Variants in SEC22A observed in about 807,000 individuals in gnomAD.
The protein encoded by SEC22A is vesicle-trafficking protein SEC22a.
SEC22A carries 22 observed loss-of-function variants against 35.3 expected under a neutral mutation model. The observed-to-expected ratio is 0.62, with a 90% CI of 0.45 to 0.89. SEC22A has a LOEUF of 0.89. Ranked by LOEUF, SEC22A falls within the 40% of genes least tolerant of loss-of-function variation. The probability of loss-of-function intolerance (pLI) is 0.00; values close to 1 mark genes in which losing one functional copy is unlikely to be tolerated. For synonymous variants in SEC22A, 119 were observed against 129.5 expected (o/e 0.92, Z 0.55); for missense variants, 354 against 362.5 (o/e 0.98, Z 0.19).
At chr3:123,234,203 A>G (rs908339471) in intron 4 of SEC22A, among the ~76,000 whole-genome samples, 4 of 152,226 alleles carry the variant, frequency 2.6e-5, no homozygotes, top group African/African-American at 7.2e-5. Flanking sequence ...GTACTTCCCA[A>G]ATTAATAGAG....
At chr3:123,220,541 G>A (rs1370373587) in intron 2 of SEC22A, among the ~76,000 whole-genome samples, 1 of 152,032 alleles carries the variant, frequency 6.6e-6, no homozygotes, top group Non-Finnish European at 1.5e-5. Flanking sequence ...TTTACTTTGT[G>A]AATGCTGTAT....
intron 4 of SEC22A, among the ~76,000 whole-genome samples, chr3:123,239,840 C>T (rs1336714555): frequency 6.6e-6 from 1 of 152,088 alleles, no homozygotes; most frequent in Non-Finnish European, 1.5e-5. Flanking sequence ...TAATTAGATC[C>T]CATTTGTCAA....
chr3:123,229,962 A>C (rs1252338041), intron 4 of SEC22A, among the ~76,000 whole-genome samples: 1 of 152,130 alleles, frequency 6.6e-6, no homozygotes, highest in African/African-American at 2.4e-5. Flanking sequence ...AGCAAAGAAC[A>C]AGGGTAAATG....
chr3:123,268,336 T>TG (rs1248493390), intron 6 of SEC22A, among the ~76,000 whole-genome samples: 1 of 152,224 alleles, frequency 6.6e-6, no homozygotes, highest in Non-Finnish European at 1.5e-5. Flanking sequence ...CATTTCTAGT[T>TG]GCCAGCTTCT....
intron 2 of SEC22A, among the ~76,000 whole-genome samples, chr3:123,213,686 A>G (rs1936977486): frequency 1.3e-5 from 2 of 152,182 alleles, no homozygotes; most frequent in Non-Finnish European, 2.9e-5. Flanking sequence ...CATGGCTTAT[A>G]CTATTTTTGA....
At chr3:123,243,259 G>C (rs1330911586) in intron 4 of SEC22A, among the ~76,000 whole-genome samples, 1 of 151,822 alleles carries the variant, frequency 6.6e-6, no homozygotes, top group African/African-American at 2.4e-5. Flanking sequence ...GTGGGGAGGG[G>C]GCGGGGTGGG....
rs1938175422 is a variant in SEC22A, at chr3:123,271,875, G to C, written c.*153G>C. On this transcript the variant is annotated 3_prime_UTR_variant, in exon 7 of 7. Coordinates refer to ENST00000492595, the MANE Select transcript of SEC22A (RefSeq NM_012430.5). ...TTTTTAAAATCAGCATGATGTGCCT[G>C]TGAGCATGGAAGAGTCCTCTCAGAA... The C allele has an allele frequency of 4.8e-6, 3 of 628,766 alleles. No individual in the cohort carries two copies. The Admixed American group carries it at 9.1e-5, about 19-fold the overall frequency. 38.9% of individuals were successfully genotyped at this position (628,766 alleles called of 1,614,324 possible).
At chr3:123,271,412 AC>A in intron 6 of SEC22A, 109 bp from the exon 7 acceptor site, 1 of 803,470 alleles carries the variant, frequency 1.2e-6, no homozygotes, top group Non-Finnish European at 2.0e-6. Flanking sequence ...ATAAAAAATA[AC>A]CTTATCCATT....
At chr3:123,263,697 A>G (rs1446962733) in intron 6 of SEC22A, among the ~76,000 whole-genome samples, 1 of 152,006 alleles carries the variant, frequency 6.6e-6, no homozygotes, top group Non-Finnish European at 1.5e-5. Flanking sequence ...TATTTTTAGT[A>G]GAGATGGGGT....
chr3:123,210,370 G>A lies in SEC22A; in HGVS notation c.182+971G>A, dbSNP rs148301451. 3.9e-5 allele frequency among the ~76,000 whole-genome samples: 6 copies of A among 152,228 alleles called. No individual in the cohort carries two copies. In the East Asian group the frequency reaches 1.2e-3, roughly 29 times the overall value. On this transcript the variant is annotated intron_variant, in intron 2 of 6. Coordinates refer to ENST00000492595, the MANE Select transcript of SEC22A (RefSeq NM_012430.5). ...CTACTGGATTGAAATAGGATGTGAA[G>A]GTAAAAGAAGAATAATCACCTGTAG... is the stretch of plus-strand genomic sequence containing the variant.
chr3:123,229,623 G>A (rs1937278764), intron 4 of SEC22A, among the ~76,000 whole-genome samples: 1 of 152,170 alleles, frequency 6.6e-6, no homozygotes, highest in African/African-American at 2.4e-5. Context: ...CAACACTTTG[G>A]GAGGCTGAGG....
intron 4 of SEC22A, among the ~76,000 whole-genome samples, chr3:123,234,742 G>A (rs1182779468): frequency 6.6e-6 from 1 of 152,002 alleles, no homozygotes; most frequent in Non-Finnish European, 1.5e-5. Flanking sequence ...GAAAAAATAG[G>A]CTGGGCTCAG....
rs76114736 is a variant in SEC22A at position 123,241,508 on chromosome 3, C to T, written c.542-4391C>T. Among the ~76,000 whole-genome samples, 1,056 of 152,210 alleles carry T rather than the reference C, an allele frequency of 6.9e-3. 17 individuals are homozygous for T. Among genetic ancestry groups the T allele is most frequent in the African/African-American group, 0.024 (1,006 of 41,534 alleles). On this transcript the variant is annotated intron_variant, in intron 4 of 6. Transcript: ENST00000492595. ...TCATAAGGACTATTCTGGGACTTTG[C>T]TTCATCAATTATTTTTCCTTTTTCT... is the stretch of plus-strand genomic sequence containing the variant.
intron 5 of SEC22A, among the ~76,000 whole-genome samples, chr3:123,250,699 C>T (rs1937605364): frequency 6.6e-6 from 1 of 152,174 alleles, no homozygotes; most frequent in African/African-American, 2.4e-5. Flanking sequence ...TATGCCCTCT[C>T]AGAACAATGG....
At position 123,274,056 on chromosome 3, in the gene SEC22A, C is replaced by T. The variant is rs1938239359; in HGVS notation, c.*2334C>T. ...TACTTTGTTTTTGTTTTTATTTTTT[C>T]ACTGGCTATTTTGGATAAGAGGATG... is the stretch of plus-strand genomic sequence containing the variant. On this transcript the variant is annotated 3_prime_UTR_variant, in exon 7 of 7. Coordinates refer to ENST00000492595, the MANE Select transcript of SEC22A (RefSeq NM_012430.5). The T allele has an allele frequency of 6.6e-6, 1 of 152,098 alleles. No individual in the cohort carries two copies. The highest frequency in any genetic ancestry group is 2.4e-5 in the African/African-American group (1 of 41,418). The allele number at this position is 152,098 out of a possible 1,614,324, so 9.4% of individuals were successfully genotyped here.
At chr3:123,211,541 C>T (rs1936939547) in intron 2 of SEC22A, among the ~76,000 whole-genome samples, 1 of 152,120 alleles carries the variant, frequency 6.6e-6, no homozygotes, top group South Asian at 2.1e-4. Flanking sequence ...CTCACTGAGC[C>T]TCAACCTCTT....
chr3:123,220,890 A>ATATATG (rs1937111149), intron 2 of SEC22A, among the ~76,000 whole-genome samples: 3 of 144,452 alleles, frequency 2.1e-5, no homozygotes, highest in African/African-American at 5.0e-5. Flanking sequence ...ACATATATAT[A>ATATATG]TATATATGTC....
chr3:123,209,743 G>A (rs1936908208), intron 2 of SEC22A, among the ~76,000 whole-genome samples: 1 of 152,164 alleles, frequency 6.6e-6, no homozygotes, highest in Non-Finnish European at 1.5e-5. Flanking sequence ...AAGAACTGAA[G>A]CAACTTACGT....
At chr3:123,232,026 G>GC (rs1448494759) in intron 4 of SEC22A, among the ~76,000 whole-genome samples, 1 of 152,154 alleles carries the variant, frequency 6.6e-6, no homozygotes, top group Non-Finnish European at 1.5e-5. Context: ...ATCACTTGAA[G>GC]CCAGGAGTTC....
Sources: allele counts gnomAD v4.1 joint callset (sites outside exome capture counted in the v4.1 genomes callset), GRCh38; gene constraint gnomAD v4.1.1; transcripts MANE v1.5; gene names NCBI Gene and HGNC (gene_info 2026-07-23, HGNC 2026-07-21).